Variants in CATSPERT observed in about 807,000 individuals in gnomAD.
The protein encoded by CATSPERT is catsper channel auxiliary subunit tau.
the CATSPERT span, among the ~76,000 whole-genome samples, chr2:201,576,045 G>C: frequency 6.6e-6 from 1 of 152,268 alleles, no homozygotes; most frequent in South Asian, 2.1e-4. Flanking sequence ...AGAAATAAAT[G>C]TATTTTTATT....
At chr2:201,561,800 G>T in the CATSPERT span, among the ~76,000 whole-genome samples, 1 of 151,872 alleles carries the variant, frequency 6.6e-6, no homozygotes, top group Non-Finnish European at 1.5e-5. Context: ...CTTGAACTCG[G>T]GAGGCAGAGG....
chr2:201,539,809 A>G, the CATSPERT span, among the ~76,000 whole-genome samples: 1 of 152,094 alleles, frequency 6.6e-6, no homozygotes, highest in South Asian at 2.1e-4. Context: ...GAAGATTTGT[A>G]CATCCCTCAC....
At chr2:201,568,523 G>C in the CATSPERT span, among the ~76,000 whole-genome samples, 1 of 152,104 alleles carries the variant, frequency 6.6e-6, no homozygotes, top group Non-Finnish European at 1.5e-5. Flanking sequence ...ATGTTAATTT[G>C]CTCAAACAAT....
At chr2:201,510,069 T>C in the CATSPERT span, among the ~76,000 whole-genome samples, 2 of 150,894 alleles carry the variant, frequency 1.3e-5, no homozygotes, top group Non-Finnish European at 2.9e-5. Flanking sequence ...AGGGACTTAA[T>C]GTGATCAGGA....
chr2:201,595,429 C>T, the CATSPERT span, among the ~76,000 whole-genome samples: 1 of 152,004 alleles, frequency 6.6e-6, no homozygotes, highest in Non-Finnish European at 1.5e-5. Context: ...ACCTCGTGAT[C>T]CGCCCGCCTC....
the CATSPERT span, among the ~76,000 whole-genome samples, chr2:201,561,133 AATAC>A: frequency 6.6e-6 from 1 of 152,222 alleles, no homozygotes; most frequent in Non-Finnish European, 1.5e-5. Context: ...ACCGTAAGAA[AATAC>A]ATAGATATTG....
the CATSPERT span, among the ~76,000 whole-genome samples, chr2:201,618,352 A>G: frequency 1.3e-5 from 2 of 152,340 alleles, no homozygotes; most frequent in East Asian, 1.9e-4. Flanking sequence ...AATGTGGCAC[A>G]TATACACCAT....
At chr2:201,563,674 T>G in the CATSPERT span, among the ~76,000 whole-genome samples, 1 of 152,254 alleles carries the variant, frequency 6.6e-6, no homozygotes, top group African/African-American at 2.4e-5. Flanking sequence ...TTTGCTTTTT[T>G]ATGTCTCTAC....
chr2:201,616,909 C>T, the CATSPERT span, among the ~76,000 whole-genome samples: 1 of 152,078 alleles, frequency 6.6e-6, no homozygotes, highest in Admixed American at 6.6e-5. Context: ...TCCTATACAC[C>T]AATAACAGAC....
chr2:201,586,186 C>T, the CATSPERT span, among the ~76,000 whole-genome samples: 14 of 151,880 alleles, frequency 9.2e-5, no homozygotes, highest in Admixed American at 3.9e-4. Context: ...AAATATGTGT[C>T]GATCAACTGT....
At chr2:201,550,398 T>C in the CATSPERT span, 1 of 152,180 alleles carries the variant, frequency 6.6e-6, no homozygotes, top group Non-Finnish European at 1.5e-5. Flanking sequence ...ATTTATCACT[T>C]TTTTCAATAA....
At chr2:201,583,917 A>G in the CATSPERT span, among the ~76,000 whole-genome samples, 6 of 152,218 alleles carry the variant, frequency 3.9e-5, no homozygotes, top group Non-Finnish European at 8.8e-5. Flanking sequence ...GATTTAACAA[A>G]CCTAAACAAG....
the CATSPERT span, chr2:201,603,119 CA>C: frequency 1.1e-6 from 1 of 933,318 alleles, no homozygotes; most frequent in Non-Finnish European, 1.6e-6. Flanking sequence ...ATAAAATGGT[CA>C]ATGTGTTAAG....
At chr2:201,527,054 C>T in the CATSPERT span, among the ~76,000 whole-genome samples, 4 of 152,266 alleles carry the variant, frequency 2.6e-5, no homozygotes, top group East Asian at 3.9e-4. Context: ...TAAACAACGT[C>T]GGCAGTTTCA....
At chr2:201,492,137 C>T in the CATSPERT span, 2 of 1,526,046 alleles carry the variant, frequency 1.3e-6, no homozygotes, top group African/African-American at 1.4e-5. Flanking sequence ...CTAAGTTTAT[C>T]CTCAGAAACC....
At chr2:201,521,190 T>G in the CATSPERT span, among the ~76,000 whole-genome samples, 1 of 152,158 alleles carries the variant, frequency 6.6e-6, no homozygotes, top group Non-Finnish European at 1.5e-5. Flanking sequence ...TAATACCAAT[T>G]CTTCTCAAAC....
At chr2:201,596,076 T>C in the CATSPERT span, among the ~76,000 whole-genome samples, 1 of 152,220 alleles carries the variant, frequency 6.6e-6, no homozygotes, top group African/African-American at 2.4e-5. Flanking sequence ...CATTACTGGG[T>C]ATATACCCAA....
At chr2:201,575,065 GAA>G in the CATSPERT span, among the ~76,000 whole-genome samples, 3 of 145,244 alleles carry the variant, frequency 2.1e-5, no homozygotes, top group East Asian at 2.1e-4. Flanking sequence ...AGAAGAAGAA[GAA>G]GAGGAGGAAG....
chr2:201,606,128 C>T, the CATSPERT span, among the ~76,000 whole-genome samples: 5 of 152,124 alleles, frequency 3.3e-5, no homozygotes, highest in South Asian at 2.1e-4. Context: ...GGAGGAAAAA[C>T]GAATGTTTAA....
Sources: allele counts gnomAD v4.1 joint callset (sites outside exome capture counted in the v4.1 genomes callset), GRCh38; gene constraint gnomAD v4.1.1; transcripts MANE v1.5; gene names NCBI Gene and HGNC (gene_info 2026-07-23, HGNC 2026-07-21).